Variants in CADM4 observed in about 807,000 individuals in gnomAD.
CADM4 encodes cell adhesion molecule 4, also known as TSLC1-like 2.
Under a neutral mutation model 43.9 loss-of-function variants are expected in CADM4, and 13 were observed. The observed-to-expected ratio is 0.30, with a 90% CI of 0.19 to 0.47. The LOEUF is 0.47. CADM4 is among the 20% of genes least tolerant of loss of function. The pLI is 1.00. For missense variants in CADM4, 420 were observed against 527.0 expected, an observed-to-expected ratio of 0.80 and a Z score of 1.99; for synonymous variants, 209 against 220.9, an observed-to-expected ratio of 0.95 and a Z score of 0.48.
intron 1 of CADM4, among the ~76,000 whole-genome samples, chr19:43,636,226 C>T (rs1441181364): frequency 6.6e-6 from 1 of 152,142 alleles, no homozygotes; most frequent in South Asian, 2.1e-4. Flanking sequence ...ACACAAAGTC[C>T]CCGCTGTGGC....
chr19:43,624,001 G>A lies in CADM4; in HGVS notation c.1057+113C>T, dbSNP rs1036199812. ...GTCATCTCCGCCCCCGGTGCGGCGG[G>A]ATTTGGAATCCAGAGCCTAGGCTCC... On this transcript the variant is annotated intron_variant, in intron 8 of 8. Coordinates refer to ENST00000222374, the MANE Select transcript of CADM4 (RefSeq NM_145296.2). 3.6e-5 allele frequency: 49 copies of A among 1,364,800 alleles called. No homozygotes were observed. The African/African-American group carries it at 5.6e-4, about 16-fold the overall frequency. 84.5% of individuals were successfully genotyped at this position (1,364,800 alleles called of 1,614,324 possible).
upstream of CADM4, among the ~76,000 whole-genome samples, chr19:43,641,931 G>A (rs531635252): frequency 1.3e-5 from 2 of 152,250 alleles, no homozygotes; most frequent in Non-Finnish European, 2.9e-5. Context: ...CAGCTGAAGG[G>A]GAACCTTGGG....
chr19:43,641,535 C>A (rs1024412334), upstream of CADM4, among the ~76,000 whole-genome samples: 3 of 152,136 alleles, frequency 2.0e-5, no homozygotes, highest in Non-Finnish European at 4.4e-5. Flanking sequence ...CTCCCATCAA[C>A]CCCTGTGAAG....
chr19:43,637,261 A>G (rs1973716947), intron 1 of CADM4, among the ~76,000 whole-genome samples: 2 of 152,190 alleles, frequency 1.3e-5, no homozygotes, highest in African/African-American at 4.8e-5. Context: ...TGGCTGGGCA[A>G]GGTGAGAGAG....
upstream of CADM4, among the ~76,000 whole-genome samples, chr19:43,641,157 C>T (rs1377217867): frequency 6.6e-6 from 1 of 152,020 alleles, no homozygotes; most frequent in Non-Finnish European, 1.5e-5. Flanking sequence ...TTAGTAGAGA[C>T]GGAGTTTTGC....
rs1162058176 is a variant in CADM4, at chr19:43,625,955, C to T, written c.711G>A (p.Glu237=). The T allele has an allele frequency of 6.2e-7, 1 of 1,614,082 alleles. No individual in the cohort carries two copies. Among genetic ancestry groups the T allele is most frequent in the Non-Finnish European group, 8.5e-7 (1 of 1,180,042 alleles). The change falls in exon 6 of 9, where the codon GAG becomes GAA. Residue 237 remains glutamate (E), a synonymous_variant. Transcript: ENST00000222374. This position sits in a 1 kb window ranked among gnomAD's most constrained non-coding sequence, Gnocchi z 4.5. ...CACACGTCAACACCAGCGTGTCTCC[C>T]TCCCTCACCACAGCTTGGGAGGCAT... ...RIHASQAVVR[E]GDTLVLTCAV... is the part of the protein sequence containing the mutation.
chr19:43,641,369 A>G (rs1286663215), upstream of CADM4, among the ~76,000 whole-genome samples: 1 of 152,148 alleles, frequency 6.6e-6, no homozygotes, highest in African/African-American at 2.4e-5. Flanking sequence ...AGCTCCCAGT[A>G]TCCTTTCTGA....
intron 1 of CADM4, among the ~76,000 whole-genome samples, chr19:43,637,265 G>A (rs1973717061): frequency 6.6e-6 from 1 of 152,182 alleles, no homozygotes; most frequent in Non-Finnish European, 1.5e-5. Flanking sequence ...TGGGCAAGGT[G>A]AGAGAGGAAG....
In CADM4 at chr19:43,626,849, C is replaced by A; in HGVS notation, c.434G>T (p.Cys145Phe). ...AGCCGGACGGGACCGCGGAACGAGGCAGCTGAGCTCCACCTCGCCGCCCTC... is the reference window on the plus strand; with the variant it reads ...AGCCGGACGGGACCGCGGAACGAGGAAGCTGAGCTCCACCTCGCCGCCCTC... Reference protein sequence around the residue: ...AVEGGEVELSCLVPRSRPAAT... With the variant: ...AVEGGEVELSFLVPRSRPAAT... Residue 145 changes from cysteine to phenylalanine, a missense_variant, in exon 4 of 9, where the codon TGC (cysteine) becomes TTC (phenylalanine). Cys to Phe is a radical substitution (Grantham distance 205). Coordinates refer to ENST00000222374, the MANE Select transcript of CADM4 (RefSeq NM_145296.2). This position sits in a 1 kb window ranked among gnomAD's most constrained non-coding sequence, Gnocchi z 5.9. The A allele has an allele frequency of 1.2e-6, 2 of 1,611,106 alleles. No individual in the cohort carries two copies. The highest frequency in any genetic ancestry group is 1.7e-6 in the Non-Finnish European group (2 of 1,179,064).
chr19:43,625,866 C>T lies in CADM4; in HGVS notation c.755+45G>A, dbSNP rs763858251. 14 of 1,545,142 alleles carry T rather than the reference C, an allele frequency of 9.1e-6. No homozygotes were observed. Among genetic ancestry groups the T allele is most frequent in the African/African-American group, 1.4e-5 (1 of 73,412 alleles). On this transcript the variant is annotated intron_variant, in intron 6 of 8. Transcript: ENST00000222374. This position sits in a 1 kb window ranked among gnomAD's most constrained non-coding sequence, Gnocchi z 4.5. Reference sequence around the variant, plus strand: ...TCCCTGGTCCCTGTTCTTCCAGGTCCCCAGCTTTCTCCTCCTGAGGACGCA... The same window carrying T: ...TCCCTGGTCCCTGTTCTTCCAGGTCTCCAGCTTTCTCCTCCTGAGGACGCA...
intron 7 of CADM4, 168 bp downstream of exon 7, chr19:43,624,910 T>C: frequency 3.0e-6 from 2 of 677,438 alleles, no homozygotes; most frequent in East Asian, 5.6e-5. Context: ...TTACCTGCAA[T>C]AGAATGCAGC....
At chr19:43,624,300 C>T (rs963475446) in intron 7 of CADM4, 58 bp from the exon 8 acceptor site, 26 of 1,610,652 alleles carry the variant, frequency 1.6e-5, no homozygotes, top group South Asian at 2.2e-5. Context: ...AGTCTGGCCC[C>T]ATCGCTGCCA....
intron 1 of CADM4, among the ~76,000 whole-genome samples, chr19:43,630,281 C>CTTTTTTTTTTTTTTTTTTTTT (rs59489315): frequency 2.7e-5 from 2 of 73,442 alleles, no homozygotes; most frequent in Non-Finnish European, 2.4e-5. Context: ...TTTTTCTTTT[C>CTTTTTTTTTTTTTTTTTTTTT]TTTTTTTTTT....
In CADM4 at chr19:43,636,749, C is replaced by T. The variant is rs1568544729; in HGVS notation, c.64+2978G>A. On this transcript the variant is annotated intron_variant, in intron 1 of 8. Transcript: ENST00000222374. ...CCACTGCAGAACCTGACCCCCACCC[C>T]CAGGCTCTGGGGACACAGGCGCCTG... Among the ~76,000 whole-genome samples the T allele has an allele frequency of 2.1e-5, 3 of 144,276 alleles. No individual in the cohort carries two copies. The South Asian group carries it at 7.6e-4, about 36-fold the overall frequency. The allele number at this position is 144,276 out of a possible 152,430, so 94.7% of individuals were successfully genotyped here.
chr19:43,623,545 A>T lies in CADM4; in HGVS notation c.1058-106T>A, dbSNP rs1973473700. ...AGACAGACAAGACACATGCCAGGCG[A>T]AGGAAGAGGGAGAAACGGAACACAC... On this transcript the variant is annotated intron_variant, in intron 8 of 8. Transcript: ENST00000222374. This position sits in a 1 kb window ranked among gnomAD's most constrained non-coding sequence, Gnocchi z 4.4. 1.3e-6 allele frequency: 1 copy of T among 770,462 alleles called. No homozygotes were observed. Among genetic ancestry groups the T allele is most frequent in the South Asian group, 1.4e-5 (1 of 73,172 alleles). 47.7% of individuals were successfully genotyped at this position (770,462 alleles called of 1,614,324 possible).
rs1407801311 is a variant in CADM4, at chr19:43,625,110, T to C, written c.896A>G (p.His299Arg). 14 of 1,428,442 alleles carry C rather than the reference T, an allele frequency of 9.8e-6. No individual in the cohort carries two copies. The highest frequency in any genetic ancestry group is 1.3e-5 in the Non-Finnish European group (14 of 1,062,442). 88.5% of individuals were successfully genotyped at this position (1,428,442 alleles called of 1,614,324 possible). Residue 299 changes from histidine (H) to arginine (R), a missense_variant, in exon 7 of 9, where the codon CAT (histidine) becomes CGT (arginine). Physicochemically the swap from His to Arg is conservative, Grantham distance 29. Coordinates refer to ENST00000222374, the MANE Select transcript of CADM4 (RefSeq NM_145296.2). The surrounding 1 kb of genome is among the most constrained non-coding windows in gnomAD (Gnocchi z 4.5). ...CACAAGTACGTAGAGCGCCCTCGCA[T>C]GGCCGTGCTTATTGGACGCCTCGCA... ...YTCEASNKHGHARALYVLVVY... is the reference protein window; with the variant it reads ...YTCEASNKHGRARALYVLVVY...
chr19:43,636,601 A>AC (rs1290885485), intron 1 of CADM4, among the ~76,000 whole-genome samples: 7 of 149,860 alleles, frequency 4.7e-5, no homozygotes, highest in Non-Finnish European at 1.0e-4. Flanking sequence ...TCTCCAGGCC[A>AC]CCCCCCACCC....
intron 1 of CADM4, among the ~76,000 whole-genome samples, chr19:43,630,147 T>C (rs983964125): frequency 6.6e-6 from 1 of 151,924 alleles, no homozygotes; most frequent in Non-Finnish European, 1.5e-5. Context: ...TCAAGTGAAC[T>C]GCCTGCTTCG....
chr19:43,639,886 C>CCCGGGGGCGGGGCG, upstream of CADM4: 1 of 945,148 alleles, frequency 1.1e-6, no homozygotes, highest in Non-Finnish European at 1.3e-6. Context: ...CCCCTGCCCG[C>CCCGGGGGCGGGGCG]CCGGGGGCGG....
Sources: gnomAD v4.1 joint callset for allele counts (sites outside exome capture counted in the v4.1 genomes callset) on GRCh38, gnomAD v4.1.1 for gene constraint, Gnocchi (gnomAD v3.1) non-coding constraint, MANE v1.5 for transcripts, NCBI Gene and HGNC (gene_info 2026-07-23, HGNC 2026-07-21) for gene names.